TMTC1: variants seen among roughly 807,000 people sequenced by gnomAD.
TMTC1 encodes the protein protein O-mannosyl-transferase TMTC1.
A neutral mutation model predicts 104.8 loss-of-function variants in TMTC1; 73 were observed. That is an observed-to-expected ratio of 0.70 (90% CI 0.58 to 0.85). The LOEUF is 0.85. Ranked by LOEUF, TMTC1 falls within the 40% of genes least tolerant of loss-of-function variation. The pLI is 0.00. For synonymous variants in TMTC1, 434 were observed against 428.7 expected, an observed-to-expected ratio of 1.01 and a Z score of -0.15; for missense variants, 1,035 against 1,096.1, an observed-to-expected ratio of 0.94 and a Z score of 0.79.
At chr12:29,758,581 G>C in intron 3 of TMTC1, 123 bp downstream of exon 3, 1 of 970,978 alleles carries the variant, frequency 1.0e-6, no homozygotes, top group Non-Finnish European at 1.6e-6. Context: ...CCTATTCCTG[G>C]TCCCTGGAAA....
chr12:29,657,156 G>C (rs980819871), intron 5 of TMTC1, among the ~76,000 whole-genome samples: 3 of 152,138 alleles, frequency 2.0e-5, no homozygotes, highest in Admixed American at 1.3e-4. Flanking sequence ...AAGAATGAAC[G>C]CTCAAATTCA....
intron 5 of TMTC1, among the ~76,000 whole-genome samples, chr12:29,671,464 C>CAATATAT: frequency 6.6e-6 from 1 of 152,248 alleles, no homozygotes; most frequent in East Asian, 1.9e-4. Flanking sequence ...ATAGAAAAAG[C>CAATATAT]ATACATGCAT....
intron 5 of TMTC1, among the ~76,000 whole-genome samples, chr12:29,683,288 A>C (rs1358686025): frequency 6.6e-6 from 1 of 152,236 alleles, no homozygotes; most frequent in East Asian, 1.9e-4. Flanking sequence ...AACTGAAATC[A>C]GTAGAAACTC....
chr12:29,549,712 G>C (rs1371983517), intron 10 of TMTC1, among the ~76,000 whole-genome samples: 1 of 152,144 alleles, frequency 6.6e-6, no homozygotes, highest in East Asian at 1.9e-4. Context: ...TGAATGACCT[G>C]AATATTCTAA....
chr12:29,666,174 C>T (rs1940269136), intron 5 of TMTC1: 2 of 433,022 alleles, frequency 4.6e-6, no homozygotes, highest in East Asian at 1.4e-4. Flanking sequence ...CTTACTGAGC[C>T]AAATCAAATT....
Position 29,585,719 on chromosome 12 carries a change from TG to T in TMTC1, c.1251-2146del, listed in dbSNP as rs930676202. Among the ~76,000 whole-genome samples, 46 of 152,344 alleles carry T rather than the reference TG, an allele frequency of 3.0e-4. 1 individual carries two copies. The highest frequency in any genetic ancestry group is 5.3e-4 in the Non-Finnish European group (36 of 68,022). On this transcript the variant is annotated intron_variant, in intron 7 of 17. Coordinates refer to ENST00000539277, the MANE Select transcript of TMTC1 (RefSeq NM_001193451.2). ...AGGGAATCCTTTCCCCATTGCTTTT[TG>T]TCAGGTTTGTCAAAGATCAGATAGT...
chr12:29,689,666 C>T (rs1941205714), intron 5 of TMTC1, among the ~76,000 whole-genome samples: 1 of 152,166 alleles, frequency 6.6e-6, no homozygotes, highest in Admixed American at 6.5e-5. Flanking sequence ...CCTGAACATT[C>T]AGAATTTAAA....
chr12:29,534,766 A>G (rs1944596837), intron 11 of TMTC1: 2 of 152,192 alleles, frequency 1.3e-5, no homozygotes, highest in African/African-American at 4.8e-5. Context: ...TGAATAAAAC[A>G]CATAGCTGTT....
chr12:29,776,329 C>T (rs1943706512), intron 1 of TMTC1, among the ~76,000 whole-genome samples: 1 of 152,152 alleles, frequency 6.6e-6, no homozygotes, highest in African/African-American at 2.4e-5. Context: ...CAAAGTCATC[C>T]CTTTCAGAAT....
At chr12:29,549,712 G>T (rs1371983517) in intron 10 of TMTC1, among the ~76,000 whole-genome samples, 1 of 152,144 alleles carries the variant, frequency 6.6e-6, no homozygotes, top group South Asian at 2.1e-4. Flanking sequence ...TGAATGACCT[G>T]AATATTCTAA....
intron 5 of TMTC1, among the ~76,000 whole-genome samples, chr12:29,643,846 T>TATATATTTATATATATATAG (rs1565734294): frequency 2.7e-5 from 2 of 73,830 alleles, no homozygotes; most frequent in African/African-American, 1.1e-4. Flanking sequence ...TATTTATATA[T>TATATATTTATATATATATAG]TTATATATAT....
intron 5 of TMTC1, among the ~76,000 whole-genome samples, chr12:29,641,498 C>T (rs1255887392): frequency 6.6e-6 from 1 of 152,156 alleles, no homozygotes; most frequent in Non-Finnish European, 1.5e-5. Flanking sequence ...ACAATAATCA[C>T]TGCAGTTTGG....
At chr12:29,774,092 C>T (rs1179721598) in intron 1 of TMTC1, among the ~76,000 whole-genome samples, 1 of 152,114 alleles carries the variant, frequency 6.6e-6, no homozygotes, top group Non-Finnish European at 1.5e-5. Context: ...CTCAATAAGC[C>T]TTTGCGTTCC....
In TMTC1 at chr12:29,730,624, G is replaced by A. The variant is rs748806234; in HGVS notation, c.938+21042C>T. Among the ~76,000 whole-genome samples the A allele has an allele frequency of 2.4e-4, 36 of 152,172 alleles. 2 individuals are homozygous for A. Among genetic ancestry groups the A allele is most frequent in the Non-Finnish European group, 1.5e-4 (10 of 68,036 alleles). On this transcript the variant is annotated intron_variant, in intron 5 of 17. Transcript: ENST00000539277. ...GGATGACAGCATTGTCATCTGCAGC[G>A]AGGATGGTGGCTACGAGCACTAAGA...
intron 7 of TMTC1, among the ~76,000 whole-genome samples, chr12:29,590,276 C>T (rs1238126853): frequency 5.9e-5 from 9 of 152,102 alleles, no homozygotes; most frequent in East Asian, 5.8e-4. Context: ...CATCCTATTC[C>T]GCTCTTTGAG....
chr12:29,772,286 C>G (rs531717880), intron 1 of TMTC1, among the ~76,000 whole-genome samples: 1 of 152,186 alleles, frequency 6.6e-6, no homozygotes, highest in African/African-American at 2.4e-5. Flanking sequence ...CAAGGGCTCA[C>G]AATTTGCCAT....
At chr12:29,704,767 G>C (rs1478792376) in intron 5 of TMTC1, among the ~76,000 whole-genome samples, 1 of 152,146 alleles carries the variant, frequency 6.6e-6, no homozygotes, top group Non-Finnish European at 1.5e-5. Context: ...TGACCTGTCT[G>C]TTATACAAGA....
chr12:29,752,434 A>C (rs1264495955), intron 4 of TMTC1, among the ~76,000 whole-genome samples: 1 of 152,178 alleles, frequency 6.6e-6, no homozygotes, highest in African/African-American at 2.4e-5. Context: ...TGCTAGAACC[A>C]TTTCAGGAGC....
At chr12:29,664,977 T>G (rs1825112283) in intron 5 of TMTC1, among the ~76,000 whole-genome samples, 1 of 152,190 alleles carries the variant, frequency 6.6e-6, no homozygotes. Flanking sequence ...ATCTAACTTG[T>G]CACATGATGT....
Sources: allele counts gnomAD v4.1 joint callset (sites outside exome capture counted in the v4.1 genomes callset), GRCh38; gene constraint gnomAD v4.1.1; transcripts MANE v1.5; gene names NCBI Gene and HGNC (gene_info 2026-07-23, HGNC 2026-07-21).